FBF1: variants seen among roughly 807,000 people sequenced by gnomAD.
FBF1 encodes fas-binding factor 1.
FBF1 carries 119 observed loss-of-function variants against 147.2 expected under a neutral mutation model. The ratio of observed to expected loss-of-function variants is 0.81; its 90% CI spans 0.70 to 0.94. The LOEUF is 0.94. Among genes scored for constraint, FBF1 ranks in the 40% least tolerant of loss-of-function variants. The probability of loss-of-function intolerance (pLI) is 0.00; values close to 1 mark genes in which losing one functional copy is unlikely to be tolerated. For synonymous variants in FBF1, 601 were observed against 609.0 expected (o/e 0.99, Z 0.19); for missense variants, 1,449 against 1,500.8 (o/e 0.97, Z 0.57).
chr17:75,936,992 C>G (rs1208074626), intron 3 of FBF1, among the ~76,000 whole-genome samples: 2 of 152,080 alleles, frequency 1.3e-5, no homozygotes, highest in African/African-American at 4.8e-5. Context: ...TTTCCCCACA[C>G]CAGCTTTCCC....
chr17:75,938,436 G>C (rs1250501138), intron 1 of FBF1, among the ~76,000 whole-genome samples: 1 of 150,482 alleles, frequency 6.6e-6, no homozygotes, highest in African/African-American at 2.5e-5. Flanking sequence ...GTGTACATCT[G>C]TAATCCCGCA....
chr17:75,932,207 C>A (rs559521836), intron 5 of FBF1, among the ~76,000 whole-genome samples: 2 of 151,542 alleles, frequency 1.3e-5, no homozygotes, highest in African/African-American at 4.8e-5. Context: ...ATGGTGAAAC[C>A]CCATCTCCAC....
Position 75,923,107 on chromosome 17 carries a change from A to G in FBF1, c.1424+79T>C, listed in dbSNP as rs563667858. The G allele has an allele frequency of 5.8e-5, 80 of 1,373,722 alleles. 1 individual carries two copies. The African/African-American group carries it at 1.0e-3, about 18-fold the overall frequency. 85.1% of individuals were successfully genotyped at this position (1,373,722 alleles called of 1,614,324 possible). A position where few individuals can be genotyped will look rare whatever the true frequency, so the allele number is the denominator to read the frequency against. On this transcript the variant is annotated intron_variant, in intron 14 of 29. Coordinates refer to ENST00000636174, the MANE Select transcript of FBF1 (RefSeq NM_001319193.2). This position sits in a 1 kb window ranked among gnomAD's most constrained non-coding sequence, Gnocchi z 4.1. ...TTCCCCAACTGCTGACTGAGGCTGC[A>G]ACAGGTGAAGGGGCAAAGGGGCTCC...
Position 75,923,550 on chromosome 17 carries a change from T to C in FBF1, c.1060A>G (p.Lys354Glu), listed in dbSNP as rs2065542175. The C allele has an allele frequency of 6.2e-7, 1 of 1,608,686 alleles. No homozygotes were observed. The highest frequency in any genetic ancestry group is 1.7e-4 in the Middle Eastern group (1 of 6,056). The change falls in exon 14 of 30, where the codon AAG (lysine) becomes GAG (glutamate). Residue 354 changes from lysine to glutamate, a missense_variant. Physicochemically the swap from Lys to Glu is moderately conservative, Grantham distance 56. Coordinates refer to ENST00000636174, the MANE Select transcript of FBF1 (RefSeq NM_001319193.2). This position sits in a 1 kb window ranked among gnomAD's most constrained non-coding sequence, Gnocchi z 4.1. ...PMASSPIQPR[K>E]GGADWLGLKD... is the part of the protein sequence containing the mutation. ...AGGCCCAACCAGTCAGCTCCTCCCT[T>C]CCTGGGCTGGATGGGGCTGGAAGCC...
Position 75,926,445 on chromosome 17 carries a change from C to A in FBF1, c.596-19G>T. 6.5e-7 allele frequency: 1 copy of A among 1,535,036 alleles called. No homozygotes were observed. Among genetic ancestry groups the A allele is most frequent in the Non-Finnish European group, 8.7e-7 (1 of 1,143,876 alleles). ...GAGGGACCTGAAAGACAAAACAAGG[C>A]CCAATGCCTGCAGCCTTCTTGCCCT... On this transcript the variant is annotated intron_variant, in intron 10 of 29. Coordinates refer to ENST00000636174, the MANE Select transcript of FBF1 (RefSeq NM_001319193.2).
intron 3 of FBF1, 64 bp from the exon 4 acceptor site, chr17:75,935,737 A>C: frequency 6.8e-7 from 1 of 1,478,184 alleles, no homozygotes; most frequent in Admixed American, 2.2e-5. Context: ...ATAAACATCA[A>C]GGCTTGAGAC....
At chr17:75,933,736 A>G (rs2065607823) in intron 4 of FBF1, among the ~76,000 whole-genome samples, 1 of 152,254 alleles carries the variant, frequency 6.6e-6, no homozygotes. Flanking sequence ...AAGTAACCCA[A>G]TTAAAAAGGG....
intron 17 of FBF1, among the ~76,000 whole-genome samples, chr17:75,920,669 A>G (rs1006068887): frequency 6.6e-6 from 1 of 152,166 alleles, no homozygotes; most frequent in African/African-American, 2.4e-5. Flanking sequence ...CCTCCCCAGC[A>G]TGGTCTCCGG....
chr17:75,932,924 T>TG (rs2144191732), intron 5 of FBF1, 71 bp downstream of exon 5: 2 of 827,564 alleles, frequency 2.4e-6, no homozygotes, highest in Admixed American at 3.0e-5. Context: ...AAGTAGAAAG[T>TG]GGGGGGTGGA....
intron 8 of FBF1, 93 bp downstream of exon 8, chr17:75,927,983 G>T: frequency 9.9e-7 from 1 of 1,009,910 alleles, no homozygotes. Flanking sequence ...GGACATGAAC[G>T]CTTCCTACTA....
intron 3 of FBF1, among the ~76,000 whole-genome samples, chr17:75,935,943 AGGC>A (rs1459224841): frequency 6.6e-6 from 1 of 152,126 alleles, no homozygotes; most frequent in Non-Finnish European, 1.5e-5. Flanking sequence ...TGGGAGGCCG[AGGC>A]GGGTGGATCA....
rs922553841 is a variant in FBF1 at position 75,922,497 on chromosome 17, C to T, written c.1425-451G>A. Among the ~76,000 whole-genome samples the T allele has an allele frequency of 3.3e-5, 5 of 152,088 alleles. No homozygotes were observed. Among genetic ancestry groups the T allele is most frequent in the Non-Finnish European group, 7.4e-5 (5 of 68,008 alleles). ...CTTTTCTGTTTTGGCCTGAGCTTTC[C>T]CCTCGGCCTCAGGTCAAAGTCAAAA... On this transcript the variant is annotated intron_variant, in intron 14 of 29. Coordinates refer to ENST00000636174, the MANE Select transcript of FBF1 (RefSeq NM_001319193.2). This position sits in a 1 kb window ranked among gnomAD's most constrained non-coding sequence, Gnocchi z 5.0.
At chr17:75,929,366 A>G (rs1382587131) in intron 7 of FBF1, among the ~76,000 whole-genome samples, 1 of 152,082 alleles carries the variant, frequency 6.6e-6, no homozygotes, top group Non-Finnish European at 1.5e-5. Flanking sequence ...TACACAACAA[A>G]AACAAGAGCC....
rs953290104 is a variant in FBF1, at chr17:75,919,850, T to C, written c.1956A>G (p.Thr652=). 5.6e-6 allele frequency: 9 copies of C among 1,613,706 alleles called. No individual in the cohort carries two copies. The African/African-American group carries it at 9.3e-5, about 17-fold the overall frequency. Residue 652 remains threonine, a synonymous_variant, in exon 20 of 30, where the codon ACA becomes ACG. Coordinates refer to ENST00000636174, the MANE Select transcript of FBF1 (RefSeq NM_001319193.2). This position sits in a 1 kb window ranked among gnomAD's most constrained non-coding sequence, Gnocchi z 5.0. Reference sequence around the variant, plus strand: ...GCCGCTCCTCCCGTTGCTGGTACGATGTTTCTAGCACCTTGATGCGGCTTC... The same window carrying C: ...GCCGCTCCTCCCGTTGCTGGTACGACGTTTCTAGCACCTTGATGCGGCTTC... ...AHRSRIKVLE[T]SYQQREERLR...
chr17:75,910,359 G>A lies in FBF1; in HGVS notation c.*364C>T, dbSNP rs2065449806. 1.2e-5 allele frequency: 4 copies of A among 330,146 alleles called. No homozygotes were observed. Among genetic ancestry groups the A allele is most frequent in the Non-Finnish European group, 2.3e-5 (4 of 173,162 alleles). 20.5% of individuals were successfully genotyped at this position (330,146 alleles called of 1,614,324 possible). On this transcript the variant is annotated 3_prime_UTR_variant, in exon 30 of 30. Transcript: ENST00000636174. This position sits in a 1 kb window ranked among gnomAD's most constrained non-coding sequence, Gnocchi z 4.1. ...GCCTCAGAAGAGGCCCAGGCAAAAA[G>A]AGCCCACAACAGTCTACCTGTGGAG...
chr17:75,913,645 C>T (rs1297578787), intron 28 of FBF1, 57 bp downstream of exon 28: 2 of 1,432,332 alleles, frequency 1.4e-6, no homozygotes, highest in Non-Finnish European at 1.9e-6. Context: ...CTGCCCACTC[C>T]TAGCACTGCC....
chr17:75,938,028 G>T, intron 2 of FBF1, 119 bp downstream of exon 2: 11 of 1,451,916 alleles, frequency 7.6e-6, no homozygotes, highest in Non-Finnish European at 1.0e-5. Context: ...CTTCTCCAGG[G>T]TCTCCATCCT....
Position 75,920,395 on chromosome 17 carries a change from A to C in FBF1, c.1709T>G (p.Leu570Arg). The change falls in exon 18 of 30, where the codon CTG (leucine) becomes CGG (arginine). Residue 570 changes from leucine to arginine, a missense_variant. Coordinates refer to ENST00000636174, the MANE Select transcript of FBF1 (RefSeq NM_001319193.2). Reference sequence around the variant, plus strand: ...CTGCTTCTGGTATTCTGTGCTCGGCAGCAGGCTCCGGGCCAGGGACTCTGG... The same window carrying C: ...CTGCTTCTGGTATTCTGTGCTCGGCCGCAGGCTCCGGGCCAGGGACTCTGG... ...LLPESLARSL[L>R]PSTEYQKQLL... 1.9e-6 allele frequency: 3 copies of C among 1,607,334 alleles called. No individual in the cohort carries two copies. Among genetic ancestry groups the C allele is most frequent in the Non-Finnish European group, 2.5e-6 (3 of 1,177,402 alleles).
rs774658333 is a variant in FBF1, at chr17:75,926,826, GT to G, written c.526del (p.Thr176ProfsTer6). On this transcript the variant is annotated frameshift_variant, in exon 10 of 30. Transcript: ENST00000636174. LOFTEE classifies it high-confidence loss of function. The stretch of plus-strand genomic sequence containing the variant: ...ACTCTGTGTCACAGGCGGCTGCTTG[GT>G]GATTCCTCCTTCATCATAGGAGAGA... ...GLLSYDEGGI[T>X]KQPPVTQSKT... The G allele has an allele frequency of 6.2e-7, 1 of 1,613,834 alleles. No homozygotes were observed. The highest frequency in any genetic ancestry group is 1.3e-5 in the African/African-American group (1 of 75,066).
Sources: allele counts gnomAD v4.1 joint callset (sites outside exome capture counted in the v4.1 genomes callset), GRCh38; gene constraint gnomAD v4.1.1; non-coding constraint Gnocchi (gnomAD v3.1); transcripts MANE v1.5; gene names NCBI Gene and HGNC (gene_info 2026-07-23, HGNC 2026-07-21).